Variants in CTNND2 observed in about 807,000 individuals in gnomAD.
CTNND2 encodes the protein catenin delta 2.
Under a neutral mutation model 144.4 loss-of-function variants are expected in CTNND2, and 22 were observed. The observed-to-expected ratio is 0.15, with a 90% CI of 0.11 to 0.22. CTNND2 has a LOEUF of 0.22. Among genes scored for constraint, CTNND2 ranks in the 10% least tolerant of loss-of-function variants. The probability of loss-of-function intolerance (pLI) is 1.00; values close to 1 mark genes in which losing one functional copy is unlikely to be tolerated. For synonymous variants in CTNND2, 751 were observed against 695.6 expected, an observed-to-expected ratio of 1.08 and a Z score of -1.25; for missense variants, 1,353 against 1,618.8, an observed-to-expected ratio of 0.84 and a Z score of 2.82.
intron 10 of CTNND2, among the ~76,000 whole-genome samples, chr5:11,208,333 T>C (rs79849892): frequency 0.063 from 9,657 of 152,180 alleles, 436 homozygotes; most frequent in Admixed American, 0.11. Context: ...TTTTAAGTTG[T>C]TTTTGGACAC....
chr5:11,150,209 C>T (rs545310495), intron 12 of CTNND2, among the ~76,000 whole-genome samples: 4 of 152,274 alleles, frequency 2.6e-5, no homozygotes, highest in Admixed American at 2.0e-4. Flanking sequence ...AGCACAGCTG[C>T]ACAGGGCAAT....
chr5:11,549,472 G>C (rs976571642), intron 3 of CTNND2, among the ~76,000 whole-genome samples: 3 of 152,124 alleles, frequency 2.0e-5, no homozygotes, highest in Admixed American at 6.5e-5. Context: ...CCAACAGGCA[G>C]ACTCCAGATT....
At chr5:11,067,604 G>A (rs1747753065) in intron 16 of CTNND2, among the ~76,000 whole-genome samples, 1 of 152,226 alleles carries the variant, frequency 6.6e-6, no homozygotes, top group African/African-American at 2.4e-5. Context: ...CCTTGGTCAC[G>A]TGTAGGCATC....
At chr5:11,077,875 C>T (rs1285604520) in intron 16 of CTNND2, among the ~76,000 whole-genome samples, 1 of 152,184 alleles carries the variant, frequency 6.6e-6, no homozygotes, top group African/African-American at 2.4e-5. Context: ...AGGTGGATTG[C>T]ATACGAGTCA....
intron 3 of CTNND2, among the ~76,000 whole-genome samples, chr5:11,550,089 C>T (rs1581472207): frequency 6.6e-6 from 1 of 152,330 alleles, no homozygotes; most frequent in East Asian, 1.9e-4. Flanking sequence ...CAGTGCCTAA[C>T]ACCATGCTAA....
chr5:11,403,058 T>C (rs776640516), intron 5 of CTNND2, among the ~76,000 whole-genome samples: 3 of 152,204 alleles, frequency 2.0e-5, no homozygotes, highest in Non-Finnish European at 4.4e-5. Flanking sequence ...TATTTTACTT[T>C]AAGTTCTGGG....
intron 1 of CTNND2, among the ~76,000 whole-genome samples, chr5:11,806,607 A>C (rs1317446008): frequency 6.6e-6 from 1 of 152,148 alleles, no homozygotes; most frequent in African/African-American, 2.4e-5. Context: ...CTAAAACATA[A>C]TATGGGCAAT....
intron 12 of CTNND2, among the ~76,000 whole-genome samples, chr5:11,141,821 G>T (rs1174649332): frequency 2.6e-5 from 4 of 152,322 alleles, no homozygotes; most frequent in African/African-American, 9.6e-5. Context: ...TAGTTTGAAG[G>T]TGTTCTCCAA....
At chr5:11,574,091 C>G (rs1178306506) in intron 2 of CTNND2, among the ~76,000 whole-genome samples, 6 of 151,858 alleles carry the variant, frequency 4.0e-5, no homozygotes, top group Admixed American at 3.9e-4. Context: ...GTCCATTCCC[C>G]GAGAACTGAA....
chr5:11,572,289 T>C (rs1035782444), intron 2 of CTNND2, among the ~76,000 whole-genome samples: 1 of 152,166 alleles, frequency 6.6e-6, no homozygotes, highest in Non-Finnish European at 1.5e-5. Flanking sequence ...ATCATGTTCC[T>C]GTTTAGAAAG....
At position 11,880,044 on chromosome 5, in the gene CTNND2, C is replaced by T. The variant is rs533412558; in HGVS notation, c.37+23773G>A. Among the ~76,000 whole-genome samples, 9 of 152,320 alleles carry T rather than the reference C, an allele frequency of 5.9e-5. No homozygotes were observed. In the South Asian group the frequency reaches 1.7e-3, roughly 28 times the overall value. On this transcript the variant is annotated intron_variant, in intron 1 of 21. Transcript: ENST00000304623. ...CACAACTGTCAAACTCTCCATTCAA[C>T]TCTTGCCAATCCATGCCAAAAATGT...
chr5:11,080,669 T>C (rs1296730555), intron 16 of CTNND2, among the ~76,000 whole-genome samples: 2 of 152,238 alleles, frequency 1.3e-5, no homozygotes, highest in Non-Finnish European at 1.5e-5. Flanking sequence ...TCCTGTCCTT[T>C]ACAACAACAT....
intron 1 of CTNND2, among the ~76,000 whole-genome samples, chr5:11,900,278 G>A (rs894575176): frequency 7.2e-5 from 11 of 152,144 alleles, no homozygotes; most frequent in Admixed American, 5.2e-4. Context: ...AATTAACCAT[G>A]ATTCAGAGCT....
intron 15 of CTNND2, chr5:11,083,941 A>G: frequency 1.7e-6 from 2 of 1,148,960 alleles, no homozygotes; most frequent in African/African-American, 1.7e-5. Flanking sequence ...TGCCTGCCAC[A>G]TCCTCAGCCC....
chr5:11,156,336 C>A (rs1232189147), intron 12 of CTNND2, among the ~76,000 whole-genome samples: 1 of 151,990 alleles, frequency 6.6e-6, no homozygotes, highest in Non-Finnish European at 1.5e-5. Flanking sequence ...ACCTTGGCTC[C>A]CCACCCTGAA....
intron 14 of CTNND2, among the ~76,000 whole-genome samples, chr5:11,103,385 A>G (rs1415152208): frequency 6.6e-6 from 1 of 152,102 alleles, no homozygotes; most frequent in Admixed American, 6.5e-5. Context: ...AAAACCTGAA[A>G]GTAGGCTGGG....
intron 3 of CTNND2, among the ~76,000 whole-genome samples, chr5:11,536,592 G>A (rs926215205): frequency 9.9e-5 from 15 of 152,266 alleles, no homozygotes; most frequent in African/African-American, 3.6e-4. Context: ...GGATGGTATT[G>A]GAGATTATTA....
At chr5:11,048,033 G>A (rs137978822) in intron 16 of CTNND2, among the ~76,000 whole-genome samples, 2 of 152,188 alleles carry the variant, frequency 1.3e-5, no homozygotes, top group East Asian at 1.9e-4. Flanking sequence ...TCTGCTGGCC[G>A]CTTCACCATC....
chr5:11,481,698 T>A (rs1768284347), intron 3 of CTNND2, among the ~76,000 whole-genome samples: 2 of 151,860 alleles, frequency 1.3e-5, no homozygotes, highest in African/African-American at 2.4e-5. Flanking sequence ...AGAGAGAACC[T>A]AAAAGGAATT....
Sources: allele counts gnomAD v4.1 joint callset (sites outside exome capture counted in the v4.1 genomes callset), GRCh38; gene constraint gnomAD v4.1.1; transcripts MANE v1.5; gene names NCBI Gene and HGNC (gene_info 2026-07-23, HGNC 2026-07-21).